Variants in TTC28 observed in about 807,000 individuals in gnomAD.
The protein encoded by TTC28 is tetratricopeptide repeat domain 28, also known as tetratricopeptide repeat protein 28.
Under a neutral mutation model 198.0 loss-of-function variants are expected in TTC28, and 61 were observed. The ratio of observed to expected loss-of-function variants is 0.31; its 90% CI spans 0.25 to 0.38. TTC28 has a LOEUF of 0.38. TTC28 is among the 10% of genes least tolerant of loss of function. The pLI, the probability that TTC28 is intolerant of heterozygous loss-of-function variation, is 1.00. For missense variants in TTC28, 2,678 were observed against 3,164.0 expected (o/e 0.85, Z 3.69); for synonymous variants, 1,171 against 1,297.8 (o/e 0.90, Z 2.10).
At chr22:28,183,051 T>C (rs1218331712) in intron 5 of TTC28, among the ~76,000 whole-genome samples, 2 of 93,288 alleles carry the variant, frequency 2.1e-5, no homozygotes, top group Admixed American at 9.8e-5. Context: ...CTTCAATGTC[T>C]TTTTTTTTTT....
intron 2 of TTC28, among the ~76,000 whole-genome samples, chr22:28,342,731 A>T (rs1755646622): frequency 6.6e-6 from 1 of 152,004 alleles, no homozygotes; most frequent in African/African-American, 2.4e-5. Context: ...TAGAACTGAA[A>T]TATCATAATT....
Position 28,389,377 on chromosome 22 carries a change from C to T in TTC28, c.382-82734G>A, listed in dbSNP as rs1214132875. ...CTCATAAAATGAGTTAGGGAGGATT[C>T]CCTCTTTTTCTATTGATTGGAATAG... On this transcript the variant is annotated intron_variant, in intron 2 of 22. Transcript: ENST00000397906. Among the ~76,000 whole-genome samples the T allele has an allele frequency of 2.0e-5, 3 of 151,338 alleles. No individual in the cohort carries two copies. In the South Asian group the frequency reaches 6.3e-4, roughly 32 times the overall value.
At chr22:28,354,367 A>G (rs1055318247) in intron 2 of TTC28, among the ~76,000 whole-genome samples, 1 of 152,260 alleles carries the variant, frequency 6.6e-6, no homozygotes, top group Non-Finnish European at 1.5e-5. Flanking sequence ...ATTCTGAAAC[A>G]TGCTACCTCA....
At chr22:28,568,484 C>T (rs2050014329) in intron 2 of TTC28, among the ~76,000 whole-genome samples, 1 of 152,102 alleles carries the variant, frequency 6.6e-6, no homozygotes, top group Non-Finnish European at 1.5e-5. Context: ...TCTAAAGGCT[C>T]CTAGATCTGA....
intron 2 of TTC28, among the ~76,000 whole-genome samples, chr22:28,456,513 T>G (rs951782604): frequency 1.3e-5 from 2 of 152,238 alleles, no homozygotes; most frequent in Non-Finnish European, 2.9e-5. Flanking sequence ...GTGGTCAGCT[T>G]TCCCCAATTC....
chr22:28,441,964 T>C (rs551749305), intron 2 of TTC28, among the ~76,000 whole-genome samples: 1 of 151,274 alleles, frequency 6.6e-6, no homozygotes, highest in Admixed American at 6.6e-5. Flanking sequence ...GTCAGACAAG[T>C]TGGCAAAAAG....
intron 12 of TTC28, among the ~76,000 whole-genome samples, chr22:28,039,771 A>T (rs1177566536): frequency 6.6e-6 from 1 of 151,806 alleles, no homozygotes; most frequent in African/African-American, 2.4e-5. Flanking sequence ...GACACAAAAA[A>T]CCCTTCAAAA....
intron 12 of TTC28, among the ~76,000 whole-genome samples, chr22:28,038,910 C>G (rs1487784022): frequency 6.6e-6 from 1 of 152,190 alleles, no homozygotes; most frequent in African/African-American, 2.4e-5. Flanking sequence ...CCAACAGACA[C>G]ATGAAAAAAT....
rs1275789587 is a variant in TTC28 at position 28,357,959 on chromosome 22, T to C, written c.382-51316A>G. Among the ~76,000 whole-genome samples, 6 of 152,212 alleles carry C rather than the reference T, an allele frequency of 3.9e-5. No homozygotes were observed. In the East Asian group the frequency reaches 1.2e-3, roughly 29 times the overall value. The stretch of plus-strand genomic sequence containing the variant: ...AAAACAGGTAAGGTGGCAAAGTACT[T>C]GGCTAGGAAATACCAAAATCAAAGA... On this transcript the variant is annotated intron_variant, in intron 2 of 22. Transcript: ENST00000397906.
chr22:28,004,941 G>A (rs1294836715), intron 14 of TTC28, among the ~76,000 whole-genome samples: 1 of 152,226 alleles, frequency 6.6e-6, no homozygotes, highest in Non-Finnish European at 1.5e-5. Flanking sequence ...CAGAAAGGGT[G>A]TCTGCTGGCC....
At chr22:28,305,011 C>T (rs564926822) in intron 3 of TTC28, among the ~76,000 whole-genome samples, 37 of 132,482 alleles carry the variant, frequency 2.8e-4, no homozygotes, top group African/African-American at 9.2e-4. Flanking sequence ...TATTTTGAGA[C>T]GGAGTCTCAC....
intron 1 of TTC28, among the ~76,000 whole-genome samples, chr22:28,630,952 C>T (rs1320192422): frequency 1.3e-5 from 2 of 152,034 alleles, no homozygotes; most frequent in Non-Finnish European, 2.9e-5. Flanking sequence ...AAGACAATTG[C>T]ACTTAAAATA....
At chr22:28,270,239 A>G (rs903706946) in intron 5 of TTC28, among the ~76,000 whole-genome samples, 1 of 152,250 alleles carries the variant, frequency 6.6e-6, no homozygotes, top group Non-Finnish European at 1.5e-5. Flanking sequence ...GGCCGATGAC[A>G]AAAAGAGACA....
At chr22:28,111,688 G>C (rs1260353209) in intron 6 of TTC28, among the ~76,000 whole-genome samples, 1 of 152,074 alleles carries the variant, frequency 6.6e-6, no homozygotes, top group African/African-American at 2.4e-5. Context: ...AATCTCCCTT[G>C]GAGCACTTTC....
intron 2 of TTC28, among the ~76,000 whole-genome samples, chr22:28,440,037 T>A (rs2047593359): frequency 6.6e-6 from 1 of 152,226 alleles, no homozygotes; most frequent in African/African-American, 2.4e-5. Context: ...GGTTTCACCA[T>A]GCTGGCCAGG....
chr22:28,646,167 C>T (rs1569081340), intron 1 of TTC28, among the ~76,000 whole-genome samples: 1 of 152,068 alleles, frequency 6.6e-6, no homozygotes, highest in Non-Finnish European at 1.5e-5. Context: ...ACCTGGAGGA[C>T]CATGAAAACT....
At chr22:28,421,737 G>A (rs1159300151) in intron 2 of TTC28, among the ~76,000 whole-genome samples, 1 of 152,092 alleles carries the variant, frequency 6.6e-6, no homozygotes, top group African/African-American at 2.4e-5. Context: ...CACGAGGTCA[G>A]GAGATCGAGA....
chr22:28,289,988 C>T (rs1315445517), intron 5 of TTC28, among the ~76,000 whole-genome samples: 2 of 152,028 alleles, frequency 1.3e-5, no homozygotes, highest in East Asian at 3.9e-4. Context: ...TGCGCCATTG[C>T]ACTCCAGCCT....
chr22:28,649,823 G>A (rs1191342544), intron 1 of TTC28, among the ~76,000 whole-genome samples: 2 of 152,138 alleles, frequency 1.3e-5, no homozygotes, highest in African/African-American at 4.8e-5. Context: ...CAATTTGAAT[G>A]CTTAACACAT....
Sources: gnomAD v4.1 joint callset for allele counts (sites outside exome capture counted in the v4.1 genomes callset) on GRCh38, gnomAD v4.1.1 for gene constraint, MANE v1.5 for transcripts, NCBI Gene and HGNC (gene_info 2026-07-23, HGNC 2026-07-21) for gene names.